ABCG1: variants seen among roughly 807,000 people sequenced by gnomAD.
The protein encoded by ABCG1 is ATP-binding cassette sub-family G member 1.
In ABCG1, 29 loss-of-function variants were observed where a neutral mutation model predicts 69.2. The ratio of observed to expected loss-of-function variants is 0.42; its 90% CI spans 0.31 to 0.57. The LOEUF is 0.57. Among genes scored for constraint, ABCG1 ranks in the 20% least tolerant of loss-of-function variants. The pLI, the probability that ABCG1 is intolerant of heterozygous loss-of-function variation, is 0.15. For missense variants in ABCG1, 718 were observed against 898.1 expected (o/e 0.80, Z 2.56); for synonymous variants, 370 against 374.8 (o/e 0.99, Z 0.15).
chr21:42,257,186 G>C (rs1320212266), intron 2 of ABCG1, among the ~76,000 whole-genome samples: 3 of 152,198 alleles, frequency 2.0e-5, no homozygotes, highest in Non-Finnish European at 4.4e-5. Context: ...GCCGAATCTA[G>C]AGCCGATTTG....
At chr21:42,295,377 A>AAAAAAAAAAAAAAAAAAAAAAT (rs2069187768) in intron 14 of ABCG1, 1 of 119,662 alleles carries the variant, frequency 8.4e-6, no homozygotes, top group Non-Finnish European at 1.8e-5. Flanking sequence ...AAAAAAAAAA[A>AAAAAAAAAAAAAAAAAAAAAAT]GGAAAGAAAT....
In ABCG1 at chr21:42,219,860, C is replaced by G. The variant is rs1302085183; in HGVS notation, c.42+556C>G. On this transcript the variant is annotated intron_variant, in intron 1 of 14. Transcript: ENST00000398449. The surrounding 1 kb of genome is among the most constrained non-coding windows in gnomAD (Gnocchi z 5.3). ...CTCCCGGGGACACCCTCTCCCGGACCCACTCGGGGAGGCGGCGGCGAAGGC... is the reference window on the plus strand; with the variant it reads ...CTCCCGGGGACACCCTCTCCCGGACGCACTCGGGGAGGCGGCGGCGAAGGC... The G allele has an allele frequency of 6.5e-6, 10 of 1,529,140 alleles. No individual in the cohort carries two copies. In the Admixed American group the frequency reaches 2.0e-4, roughly 31 times the overall value. The allele number at this position is 1,529,140 out of a possible 1,614,324, so 94.7% of individuals were successfully genotyped here.
chr21:42,288,337 G>T lies in ABCG1; in HGVS notation c.1224+25G>T. The T allele has an allele frequency of 6.4e-7, 1 of 1,558,792 alleles. No individual in the cohort carries two copies. Among genetic ancestry groups the T allele is most frequent in the Non-Finnish European group, 8.8e-7 (1 of 1,130,640 alleles). Reference sequence around the variant, plus strand: ...GGTAAGGCTGCCCGCATCTTCTCCTGTAGCTGGGGAACCCGTGGGTCATTT... The same window carrying T: ...GGTAAGGCTGCCCGCATCTTCTCCTTTAGCTGGGGAACCCGTGGGTCATTT... On this transcript the variant is annotated intron_variant, in intron 10 of 14. Transcript: ENST00000398449. The surrounding 1 kb of genome is among the most constrained non-coding windows in gnomAD (Gnocchi z 4.8).
At chr21:42,293,719 A>C (rs562611566) in intron 13 of ABCG1, among the ~76,000 whole-genome samples, 1,876 of 150,210 alleles carry the variant, frequency 0.012, 47 homozygotes, top group African/African-American at 0.043. Context: ...ACCACACTAC[A>C]CACTACACAC....
chr21:42,243,416 C>T (rs897231914), intron 2 of ABCG1, among the ~76,000 whole-genome samples: 3 of 150,926 alleles, frequency 2.0e-5, no homozygotes, highest in African/African-American at 7.3e-5. Context: ...ATCTGTTTCA[C>T]AGAACCATAT....
At chr21:42,244,103 GC>G (rs1401912668) in intron 2 of ABCG1, among the ~76,000 whole-genome samples, 1 of 152,198 alleles carries the variant, frequency 6.6e-6, no homozygotes, top group Admixed American at 6.5e-5. Context: ...ACAGGCGTGA[GC>G]CCCCACGCCC....
Position 42,225,686 on chromosome 21 carries a change from T to A in ABCG1, c.58T>A (p.Ser20Thr). Residue 20 changes from serine to threonine, a missense_variant, in exon 2 of 15, where the codon TCT (serine) becomes ACT (threonine). Coordinates refer to ENST00000398449, the MANE Select transcript of ABCG1 (RefSeq NM_016818.3). ...VGTAMNASSY[S>T]AEMTEPKSVC... The stretch of plus-strand genomic sequence containing the variant: ...GTTTTTCTAGAATGCCAGCAGTTAC[T>A]CTGCAGAGATGACGGAGCCCAAGTC... The A allele has an allele frequency of 6.2e-7, 1 of 1,613,394 alleles. No homozygotes were observed. Among genetic ancestry groups the A allele is most frequent in the Non-Finnish European group, 8.5e-7 (1 of 1,179,924 alleles).
At chr21:42,243,471 TGTGTGTGTGTGTGTGTGTGC>T (rs2068084435) in intron 2 of ABCG1, among the ~76,000 whole-genome samples, 1 of 150,742 alleles carries the variant, frequency 6.6e-6, no homozygotes, top group African/African-American at 2.4e-5. Flanking sequence ...TGTGTGTGTG[TGTGTGTGTGTGTGTGTGTGC>T]GCTGGTTTAT....
At chr21:42,233,442 C>CA (rs1423310840) in intron 2 of ABCG1, among the ~76,000 whole-genome samples, 5 of 152,206 alleles carry the variant, frequency 3.3e-5, no homozygotes, top group Non-Finnish European at 7.3e-5. Flanking sequence ...GAACTGACAC[C>CA]TCCCAGGCAG....
chr21:42,282,396 C>A lies in ABCG1; in HGVS notation c.711C>A (p.Val237=). 1 of 1,613,420 alleles carries A rather than the reference C, an allele frequency of 6.2e-7. No individual in the cohort carries two copies. The highest frequency in any genetic ancestry group is 8.5e-7 in the Non-Finnish European group (1 of 1,179,554). The change falls in exon 6 of 15, where the codon GTC becomes GTA. Residue 237 remains valine, a synonymous_variant. Coordinates refer to ENST00000398449, the MANE Select transcript of ABCG1 (RefSeq NM_016818.3). The part of the protein sequence containing the change: ...IALELVNNPP[V]MFFDEPTSGL... ...TGGAGCTGGTGAACAACCCTCCAGT[C>A]ATGTTCTTCGATGAGCCCACCAGGT...
chr21:42,203,921 T>C (rs944377259), intron 2 of ABCG1, among the ~76,000 whole-genome samples: 2 of 152,248 alleles, frequency 1.3e-5, no homozygotes, highest in Non-Finnish European at 2.9e-5. Flanking sequence ...TTTTACTTCT[T>C]TTATCAGGAT....
At position 42,219,222 on chromosome 21, in the gene ABCG1, CCCGCCGCCGCCG is replaced by C. The variant is rs2234716; in HGVS notation, c.-20_-9del. 2,955 of 1,474,122 alleles carry C rather than the reference CCCGCCGCCGCCG, an allele frequency of 2.0e-3. 13 individuals carry two copies. The highest frequency in any genetic ancestry group is 5.6e-3 in the Admixed American group (253 of 45,356). 91.3% of individuals were successfully genotyped at this position (1,474,122 alleles called of 1,614,324 possible). A position where few individuals can be genotyped will look rare whatever the true frequency, so the allele number is the denominator to read the frequency against. Reference sequence around the variant, plus strand: ...TCGGCCCCGCAGCTCAAGCCTCGTCCCCGCCGCCGCCGCCGCCGCCGCCGCCGCCGCCCCCGG... The same window carrying C: ...TCGGCCCCGCAGCTCAAGCCTCGTCCCCGCCGCCGCCGCCGCCGCCCCCGG... On this transcript the variant is annotated 5_prime_UTR_variant, in exon 1 of 15. Coordinates refer to ENST00000398449, the MANE Select transcript of ABCG1 (RefSeq NM_016818.3). This position sits in a 1 kb window ranked among gnomAD's most constrained non-coding sequence, Gnocchi z 5.3.
At chr21:42,270,592 CATAA>C (rs1254980285) in intron 2 of ABCG1, among the ~76,000 whole-genome samples, 1 of 151,590 alleles carries the variant, frequency 6.6e-6, no homozygotes, top group Non-Finnish European at 1.5e-5. Flanking sequence ...ATATATAAAG[CATAA>C]ATAAATAATT....
Position 42,241,802 on chromosome 21 carries a change from CAG to C in ABCG1, c.286+15892_286+15893del, listed in dbSNP as rs540259504. On this transcript the variant is annotated intron_variant, in intron 2 of 14. Transcript: ENST00000398449. ...AGGAGGTCGAGACCAGCCTGGGCAT[CAG>C]AGACCCTATCTCTATTAAAAAAAAA... Among the ~76,000 whole-genome samples, 222 of 144,194 alleles carry C rather than the reference CAG, an allele frequency of 1.5e-3. 1 individual carries two copies. The highest frequency in any genetic ancestry group is 5.7e-3 in the African/African-American group (215 of 37,832). The allele number at this position is 144,194 out of a possible 152,430, so 94.6% of individuals were successfully genotyped here.
chr21:42,227,250 C>A (rs763657591), intron 2 of ABCG1, among the ~76,000 whole-genome samples: 1 of 152,198 alleles, frequency 6.6e-6, no homozygotes, highest in Non-Finnish European at 1.5e-5. Flanking sequence ...GTTAAGAAAG[C>A]AGCTCTGTGG....
chr21:42,217,752 C>T (rs112419388), upstream of ABCG1, among the ~76,000 whole-genome samples: 19,511 of 129,004 alleles, frequency 0.15, 1,567 homozygotes, highest in East Asian at 0.29. Flanking sequence ...AGTGCAGTGG[C>T]TCAATCTCGG....
At chr21:42,274,153 CT>C (rs1001829298) in intron 4 of ABCG1, among the ~76,000 whole-genome samples, 10 of 152,242 alleles carry the variant, frequency 6.6e-5, no homozygotes, top group African/African-American at 2.4e-4. Context: ...GTGTCCTCAT[CT>C]GCAAGACCGT....
Position 42,291,353 on chromosome 21 carries a change from C to T in ABCG1, c.1495-145C>T, listed in dbSNP as rs948601001. 7.3e-5 allele frequency: 90 copies of T among 1,232,768 alleles called. No individual in the cohort carries two copies. Among genetic ancestry groups the T allele is most frequent in the Middle Eastern group, 2.2e-4 (1 of 4,648 alleles). 76.4% of individuals were successfully genotyped at this position (1,232,768 alleles called of 1,614,324 possible). The stretch of plus-strand genomic sequence containing the variant: ...AAGGGCCTGACTTCGGGAGCTGTGG[C>T]GGGAGCTGTGGGGAGTGGGGAAGGA... On this transcript the variant is annotated intron_variant, in intron 12 of 14. Transcript: ENST00000398449. This position sits in a 1 kb window ranked among gnomAD's most constrained non-coding sequence, Gnocchi z 6.4.
intron 5 of ABCG1, among the ~76,000 whole-genome samples, chr21:42,278,197 G>C (rs1241505935): frequency 6.6e-6 from 1 of 152,220 alleles, no homozygotes; most frequent in Admixed American, 6.5e-5. Context: ...CTTCATGGGG[G>C]CAGAAGACCC....
Sources: allele counts gnomAD v4.1 joint callset (sites outside exome capture counted in the v4.1 genomes callset), GRCh38; gene constraint gnomAD v4.1.1; non-coding constraint Gnocchi (gnomAD v3.1); transcripts MANE v1.5; gene names NCBI Gene and HGNC (gene_info 2026-07-23, HGNC 2026-07-21).